KPNA5: variants seen among roughly 807,000 people sequenced by gnomAD.
KPNA5 encodes the protein importin subunit alpha-6.
A neutral mutation model predicts 71.3 loss-of-function variants in KPNA5; 46 were observed. The observed-to-expected ratio is 0.65, with a 90% confidence interval of 0.51 to 0.83. The LOEUF is 0.83. Ranked by LOEUF, KPNA5 falls within the 40% of genes least tolerant of loss-of-function variation. KPNA5 has a pLI of 0.00. For missense variants in KPNA5, 547 were observed against 628.3 expected (o/e 0.87, Z 1.38); for synonymous variants, 207 against 201.4 (o/e 1.03, Z -0.24).
At chr6:116,720,669 A>C (rs1466615623) in intron 8 of KPNA5, among the ~76,000 whole-genome samples, 1 of 152,096 alleles carries the variant, frequency 6.6e-6, no homozygotes, top group Non-Finnish European at 1.5e-5. Flanking sequence ...CCTAGGCAAC[A>C]TGGTGAAACC....
chr6:116,690,096 T>TG (rs1777738802), intron 2 of KPNA5, among the ~76,000 whole-genome samples: 1 of 152,206 alleles, frequency 6.6e-6, no homozygotes, highest in Non-Finnish European at 1.5e-5. Context: ...TATTGTATTC[T>TG]ATTCTATTGT....
intron 1 of KPNA5, 60 bp downstream of exon 1, chr6:116,681,398 C>G (rs146145886): frequency 6.0e-6 from 9 of 1,499,230 alleles, no homozygotes; most frequent in Non-Finnish European, 8.0e-6. Flanking sequence ...CCTTTGGGAA[C>G]TACTAGTTCC....
chr6:116,708,201 C>T (rs1778520495), intron 7 of KPNA5, among the ~76,000 whole-genome samples: 1 of 152,128 alleles, frequency 6.6e-6, no homozygotes, highest in African/African-American at 2.4e-5. Context: ...AAATAGTGCT[C>T]CTATGAACAT....
In KPNA5 at chr6:116,733,735, A is replaced by G. The variant is rs1015976394; in HGVS notation, c.*1412A>G. The G allele has an allele frequency of 6.6e-6, 1 of 151,494 alleles. No homozygotes were observed. The highest frequency in any genetic ancestry group is 1.5e-5 in the Non-Finnish European group (1 of 67,662). 9.4% of individuals were successfully genotyped at this position (151,494 alleles called of 1,614,324 possible). A position where few individuals can be genotyped will look rare whatever the true frequency, so the allele number is the denominator to read the frequency against. On this transcript the variant is annotated 3_prime_UTR_variant, in exon 14 of 14. Transcript: ENST00000368564. ...ATACTTACTTAAAACTTAGTTTACA[A>G]CTCTTTTTAAGATGAGAACTAAGGC...
intron 1 of KPNA5, among the ~76,000 whole-genome samples, chr6:116,682,352 C>G (rs768158668): frequency 6.9e-6 from 1 of 145,700 alleles, no homozygotes. Context: ...GAATATGACA[C>G]TGGCATTTAC....
intron 7 of KPNA5, among the ~76,000 whole-genome samples, chr6:116,711,956 C>T (rs1357930062): frequency 1.3e-5 from 2 of 152,080 alleles, no homozygotes; most frequent in Non-Finnish European, 2.9e-5. Context: ...ACTTCTTTTT[C>T]TTTTTGAGAC....
chr6:116,700,416 G>A (rs1459403403), intron 5 of KPNA5, among the ~76,000 whole-genome samples: 1 of 152,132 alleles, frequency 6.6e-6, no homozygotes, highest in Non-Finnish European at 1.5e-5. Context: ...GTTATAGTGA[G>A]CTGTGATCAC....
intron 12 of KPNA5, among the ~76,000 whole-genome samples, chr6:116,727,125 A>G (rs1454036741): frequency 6.6e-6 from 1 of 151,942 alleles, no homozygotes; most frequent in Non-Finnish European, 1.5e-5. Flanking sequence ...GGCTTTTTAA[A>G]TTTATTTATT....
At chr6:116,695,302 A>G (rs1032265912) in intron 4 of KPNA5, among the ~76,000 whole-genome samples, 8 of 151,996 alleles carry the variant, frequency 5.3e-5, no homozygotes, top group African/African-American at 1.9e-4. Flanking sequence ...TTTTGTAATT[A>G]GGTTGAATAT....
intron 7 of KPNA5, among the ~76,000 whole-genome samples, chr6:116,713,017 A>T (rs1008050909): frequency 6.6e-6 from 1 of 151,998 alleles, no homozygotes; most frequent in African/African-American, 2.4e-5. Context: ...TTGCATTATT[A>T]TACATTGTGT....
At chr6:116,706,323 C>T (rs1778434760) in intron 7 of KPNA5, among the ~76,000 whole-genome samples, 1 of 152,126 alleles carries the variant, frequency 6.6e-6, no homozygotes, top group African/African-American at 2.4e-5. Flanking sequence ...GTCTTTTAAC[C>T]ATGGCTGAAA....
chr6:116,710,033 A>G (rs1441210739), intron 7 of KPNA5, among the ~76,000 whole-genome samples: 2 of 152,222 alleles, frequency 1.3e-5, no homozygotes, highest in Non-Finnish European at 2.9e-5. Context: ...TGCTGGGATT[A>G]CAGGCATGAG....
At position 116,683,896 on chromosome 6, in the gene KPNA5, C is replaced by CTTT. The variant is rs140446065; in HGVS notation, c.4+2590_4+2592dup. The stretch of plus-strand genomic sequence containing the variant: ...ACAGGCGTGAGCCACCGTGCCCGGC[C>CTTT]TTTTTTTTTTTTTTTTTTTTTTTTT... On this transcript the variant is annotated intron_variant, in intron 1 of 13. Coordinates refer to ENST00000368564, the MANE Select transcript of KPNA5 (RefSeq NM_001366306.2). Among the ~76,000 whole-genome samples the CTTT allele has an allele frequency of 1.9e-3, 115 of 59,616 alleles. 7 individuals carry two copies. The highest frequency in any genetic ancestry group is 2.8e-3 in the Non-Finnish European group (78 of 28,014). 39.1% of individuals were successfully genotyped at this position (59,616 alleles called of 152,430 possible). A position where few individuals can be genotyped will look rare whatever the true frequency, so the allele number is the denominator to read the frequency against.
chr6:116,716,747 A>C (rs1007217733), intron 8 of KPNA5, among the ~76,000 whole-genome samples: 3 of 152,144 alleles, frequency 2.0e-5, no homozygotes, highest in African/African-American at 7.2e-5. Flanking sequence ...ATTAATTCCC[A>C]GTTTAGTTGT....
chr6:116,704,845 G>A (rs561110581), intron 6 of KPNA5, among the ~76,000 whole-genome samples: 18 of 152,216 alleles, frequency 1.2e-4, no homozygotes, highest in Non-Finnish European at 2.2e-4. Context: ...CCAAAGTGCT[G>A]GGATTACACG....
intron 2 of KPNA5, among the ~76,000 whole-genome samples, chr6:116,690,086 T>C (rs1406773871): frequency 6.6e-6 from 1 of 152,220 alleles, no homozygotes; most frequent in Non-Finnish European, 1.5e-5. Flanking sequence ...TATTCTCTTC[T>C]ATTGTATTCT....
In KPNA5 at chr6:116,722,273, T is replaced by C; in HGVS notation, c.904T>C (p.Leu302=). ...CATTGATTCTGGAGTCTGTCGAAGA[T>C]TGGTGGAACTTTTGATGTAACTATA... ...AVIDSGVCRR[L]VELLMHNDYK... is the part of the protein sequence containing the mutation. Residue 302 remains leucine, a synonymous_variant, in exon 9 of 14, where the codon TTG becomes CTG. Coordinates refer to ENST00000368564, the MANE Select transcript of KPNA5 (RefSeq NM_001366306.2). 6.2e-7 allele frequency: 1 copy of C among 1,607,546 alleles called. No homozygotes were observed. The highest frequency in any genetic ancestry group is 2.2e-5 in the East Asian group (1 of 44,776).
At chr6:116,726,308 G>C (rs999341451) in intron 11 of KPNA5, among the ~76,000 whole-genome samples, 187 bp from the exon 12 acceptor site, 4 of 151,884 alleles carry the variant, frequency 2.6e-5, no homozygotes, top group Non-Finnish European at 4.4e-5. Flanking sequence ...TCTTTAAAAA[G>C]CTAATTTCCT....
At chr6:116,699,181 CT>C (rs1316375349) in intron 5 of KPNA5, among the ~76,000 whole-genome samples, 1 of 151,384 alleles carries the variant, frequency 6.6e-6, no homozygotes, top group Non-Finnish European at 1.5e-5. Context: ...CTGATTAGTT[CT>C]TTTTTTCAAA....
Sources: allele counts gnomAD v4.1 joint callset (sites outside exome capture counted in the v4.1 genomes callset), GRCh38; gene constraint gnomAD v4.1.1; transcripts MANE v1.5; gene names NCBI Gene and HGNC (gene_info 2026-07-23, HGNC 2026-07-21).